Variants in BIRC6 observed in about 807,000 individuals in gnomAD.
The protein encoded by BIRC6 is baculoviral IAP repeat containing 6.
BIRC6 carries 98 observed loss-of-function variants against 503.3 expected under a neutral mutation model. The observed-to-expected ratio is 0.19, with a 90% CI of 0.17 to 0.23. BIRC6 has a LOEUF of 0.23. Among genes scored for constraint, BIRC6 ranks in the 10% least tolerant of loss-of-function variants. The pLI is 1.00. For synonymous variants in BIRC6, 2,240 were observed against 2,078.7 expected (o/e 1.08, Z -2.11); for missense variants, 5,360 against 5,806.0 (o/e 0.92, Z 2.50).
At chr2:32,433,549 A>C (rs960685790) in intron 12 of BIRC6, 95 bp from the exon 13 acceptor site, 11 of 1,165,344 alleles carry the variant, frequency 9.4e-6, no homozygotes, top group Non-Finnish European at 1.3e-5. Context: ...TGGAAGCTGC[A>C]AAGCAAAAAG....
intron 21 of BIRC6, among the ~76,000 whole-genome samples, chr2:32,446,996 C>G (rs915755387): frequency 1.5e-4 from 17 of 112,686 alleles, no homozygotes; most frequent in Admixed American, 5.8e-4. Context: ...TAACAAAGCA[C>G]ATCTTGCACC....
intron 53 of BIRC6, among the ~76,000 whole-genome samples, chr2:32,512,024 TAAG>T (rs2054506245): frequency 6.6e-6 from 1 of 152,200 alleles, no homozygotes; most frequent in South Asian, 2.1e-4. Flanking sequence ...GGCTTTTTAA[TAAG>T]AAGAAAATTA....
At chr2:32,365,847 TTTTA>T (rs1201584527) in intron 1 of BIRC6, among the ~76,000 whole-genome samples, 29 of 151,920 alleles carry the variant, frequency 1.9e-4, no homozygotes, top group South Asian at 1.7e-3. Context: ...TTTTAAGCAG[TTTTA>T]TTTATTTATT....
rs2037021998 is a variant in BIRC6 at position 32,377,786 on chromosome 2, A to G, written c.507+17A>G. 3.1e-6 allele frequency: 5 copies of G among 1,598,850 alleles called. No homozygotes were observed. Among genetic ancestry groups the G allele is most frequent in the Non-Finnish European group, 4.3e-6 (5 of 1,170,766 alleles). On this transcript the variant is annotated intron_variant, in intron 2 of 73. Transcript: ENST00000421745. ...GTTACAGAGGTAAGTTGAAATAAGT[A>G]TCAATGTGGTCCTCTACTTAATGTA...
At chr2:32,596,164 A>G (rs2061659469) in intron 68 of BIRC6, among the ~76,000 whole-genome samples, 2 of 152,100 alleles carry the variant, frequency 1.3e-5, no homozygotes, top group Admixed American at 1.3e-4. Flanking sequence ...TGTCACATAA[A>G]TTACCCCTGT....
intron 55 of BIRC6, among the ~76,000 whole-genome samples, chr2:32,516,474 C>A (rs1253036097): frequency 1.3e-5 from 2 of 148,250 alleles, no homozygotes; most frequent in Non-Finnish European, 3.0e-5. Flanking sequence ...TGAAATCTTA[C>A]TACTGCACTC....
chr2:32,521,349 T>A (rs2055647155), intron 57 of BIRC6, among the ~76,000 whole-genome samples: 2 of 46,188 alleles, frequency 4.3e-5, no homozygotes, highest in Non-Finnish European at 7.7e-5. Flanking sequence ...CTGGGCAACA[T>A]AGCAAGACCT....
At chr2:32,491,105 T>A (rs2051646050) in intron 43 of BIRC6, among the ~76,000 whole-genome samples, 1 of 152,162 alleles carries the variant, frequency 6.6e-6, no homozygotes, top group South Asian at 2.1e-4. Flanking sequence ...CTCTGACTGT[T>A]TCTGGAAGGG....
At chr2:32,576,713 C>T (rs1232863635) in intron 66 of BIRC6, among the ~76,000 whole-genome samples, 1 of 152,106 alleles carries the variant, frequency 6.6e-6, no homozygotes, top group Admixed American at 6.5e-5. Context: ...TGAAGGAATT[C>T]TGACTTTGTT....
intron 61 of BIRC6, among the ~76,000 whole-genome samples, chr2:32,536,150 G>T (rs1460840277): frequency 5.3e-5 from 8 of 152,120 alleles, no homozygotes; most frequent in Non-Finnish European, 1.0e-4. Flanking sequence ...TTTTGATGGG[G>T]TTGTTTGTTT....
At chr2:32,547,532 A>C (rs1171987879) in intron 63 of BIRC6, among the ~76,000 whole-genome samples, 1 of 152,200 alleles carries the variant, frequency 6.6e-6, no homozygotes, top group Non-Finnish European at 1.5e-5. Context: ...AGCGTATATC[A>C]GTACTTCATT....
chr2:32,612,405 C>T (rs2062941515), intron 73 of BIRC6, among the ~76,000 whole-genome samples: 1 of 152,032 alleles, frequency 6.6e-6, no homozygotes, highest in Admixed American at 6.5e-5. Context: ...TTTGTAACAG[C>T]CTTCCTTTTT....
In BIRC6 at chr2:32,441,221, A is replaced by G. The variant is rs1300298902; in HGVS notation, c.3811-108A>G. 9.7e-6 allele frequency: 8 copies of G among 827,586 alleles called. No homozygotes were observed. In the East Asian group the frequency reaches 1.9e-4, roughly 20 times the overall value. The allele number at this position is 827,586 out of a possible 1,614,324, so 51.3% of individuals were successfully genotyped here. On this transcript the variant is annotated intron_variant, in intron 16 of 73. Coordinates refer to ENST00000421745, the MANE Select transcript of BIRC6 (RefSeq NM_016252.4). ...GCTATCATTTTAACTTGAGATTTAT[A>G]TTTTGATGGCCACAATTCAGTTATT...
intron 1 of BIRC6, among the ~76,000 whole-genome samples, chr2:32,371,215 C>CAAAA (rs1179033406): frequency 1.0e-4 from 3 of 28,704 alleles, no homozygotes; most frequent in Non-Finnish European, 1.4e-4. Context: ...GACCCTGTCT[C>CAAAA]AAAAAAAAAA....
At chr2:32,395,403 C>T in intron 5 of BIRC6, 108 bp from the exon 6 acceptor site, 2 of 804,396 alleles carry the variant, frequency 2.5e-6, no homozygotes, top group Non-Finnish European at 1.9e-6. Context: ...TTCTTATTTT[C>T]AGTATAGAAT....
intron 10 of BIRC6, among the ~76,000 whole-genome samples, chr2:32,427,289 AT>A (rs58941424): frequency 0.14 from 21,123 of 148,288 alleles, 1,614 homozygotes; most frequent in Admixed American, 0.21. Context: ...ATTTTATTTT[AT>A]TTTTTTTTTG....
intron 71 of BIRC6, among the ~76,000 whole-genome samples, chr2:32,603,406 C>A (rs925731939): frequency 3.9e-5 from 6 of 152,134 alleles, no homozygotes; most frequent in Non-Finnish European, 8.8e-5. Context: ...GAGCCTCTTA[C>A]AGTTGTGCAG....
intron 8 of BIRC6, among the ~76,000 whole-genome samples, chr2:32,403,427 T>A (rs1283662796): frequency 6.6e-6 from 1 of 152,222 alleles, no homozygotes; most frequent in African/African-American, 2.4e-5. Context: ...CTTATTTACA[T>A]TGAAGGACTA....
chr2:32,357,228 C>G lies in BIRC6; in HGVS notation c.67C>G (p.Leu23Val). 3.9e-6 allele frequency: 6 copies of G among 1,530,916 alleles called. No individual in the cohort carries two copies. The highest frequency in any genetic ancestry group is 2.1e-5 in the Admixed American group (1 of 48,492). 94.8% of individuals were successfully genotyped at this position (1,530,916 alleles called of 1,614,324 possible). Reference sequence around the variant, plus strand: ...TGAGCCGCTTCCCAGTGTGATTGTGCTGAGCGCAGGCCGGAAGATGGCGGC... The same window carrying G: ...TGAGCCGCTTCCCAGTGTGATTGTGGTGAGCGCAGGCCGGAAGATGGCGGC... ...VTEPLPSVIV[L>V]SAGRKMAAAA... Residue 23 changes from leucine to valine, a missense_variant, in exon 1 of 74, where the codon CTG (leucine) becomes GTG (valine). Physicochemically the swap from Leu to Val is conservative, Grantham distance 32. This residue lies in a region of BIRC6 where 145 missense variants were observed against 106.9 expected (regional missense o/e 1.36). Transcript: ENST00000421745. This position sits in a 1 kb window ranked among gnomAD's most constrained non-coding sequence, Gnocchi z 4.9.
Sources: allele counts gnomAD v4.1 joint callset (sites outside exome capture counted in the v4.1 genomes callset), GRCh38; gene constraint gnomAD v4.1.1; regional missense constraint gnomAD v4.1.1; non-coding constraint Gnocchi (gnomAD v3.1); transcripts MANE v1.5; gene names NCBI Gene and HGNC (gene_info 2026-07-23, HGNC 2026-07-21).